CSMD2: variants seen among roughly 807,000 people sequenced by gnomAD.
CSMD2 encodes the protein CUB and sushi domain-containing protein 2.
Under a neutral mutation model 398.5 loss-of-function variants are expected in CSMD2, and 130 were observed. The observed-to-expected ratio is 0.33, with a 90% CI of 0.28 to 0.38. The LOEUF (loss-of-function observed/expected upper bound fraction) is 0.38. Among genes scored for constraint, CSMD2 ranks in the 10% least tolerant of loss-of-function variants. CSMD2 has a pLI of 1.00. For synonymous variants in CSMD2, 1,828 were observed against 1,908.5 expected, an observed-to-expected ratio of 0.96 and a Z score of 1.10; for missense variants, 3,829 against 4,764.9, an observed-to-expected ratio of 0.80 and a Z score of 5.78.
intron 6 of CSMD2, among the ~76,000 whole-genome samples, chr1:33,827,527 C>T (rs1252700733): frequency 1.3e-5 from 2 of 152,202 alleles, no homozygotes; most frequent in Non-Finnish European, 2.9e-5. Flanking sequence ...ATTAAAATGA[C>T]ACCTGCAACC....
intron 4 of CSMD2, among the ~76,000 whole-genome samples, chr1:33,929,989 T>C (rs1644260136): frequency 6.6e-6 from 1 of 152,192 alleles, no homozygotes; most frequent in South Asian, 2.1e-4. Flanking sequence ...TCCTCGTAGC[T>C]CCTACCACCA....
intron 29 of CSMD2, among the ~76,000 whole-genome samples, chr1:33,641,741 C>G (rs917240504): frequency 6.6e-6 from 1 of 152,208 alleles, no homozygotes; most frequent in African/African-American, 2.4e-5. Context: ...TGCCTTAGAA[C>G]CAGGTGGGCT....
intron 2 of CSMD2, among the ~76,000 whole-genome samples, chr1:34,062,530 C>G (rs1654629737): frequency 6.6e-6 from 1 of 152,110 alleles, no homozygotes; most frequent in African/African-American, 2.4e-5. Context: ...ACATGGAGGA[C>G]AGGGAAGGTG....
intron 3 of CSMD2, among the ~76,000 whole-genome samples, chr1:33,937,610 C>A (rs1478321464): frequency 6.6e-6 from 1 of 152,202 alleles, no homozygotes; most frequent in East Asian, 1.9e-4. Flanking sequence ...ATTCCCTCCC[C>A]CTTCCTCTCT....
chr1:33,967,823 G>A (rs576345062), intron 3 of CSMD2, among the ~76,000 whole-genome samples: 2 of 152,174 alleles, frequency 1.3e-5, no homozygotes, highest in African/African-American at 4.8e-5. Flanking sequence ...ACCTCCACGG[G>A]GCAGGATAAA....
chr1:33,963,797 T>A (rs913450810), intron 3 of CSMD2, among the ~76,000 whole-genome samples: 1 of 152,258 alleles, frequency 6.6e-6, no homozygotes, highest in Non-Finnish European at 1.5e-5. Context: ...TATTTATTTA[T>A]TCATTCATCT....
intron 2 of CSMD2, among the ~76,000 whole-genome samples, chr1:34,087,480 G>A (rs559828237): frequency 6.6e-5 from 10 of 151,930 alleles, no homozygotes; most frequent in Admixed American, 5.2e-4. Context: ...AGGGGGTTGG[G>A]GGCTAGGGGA....
chr1:33,924,054 A>G (rs531458401), intron 4 of CSMD2, among the ~76,000 whole-genome samples: 13 of 152,296 alleles, frequency 8.5e-5, no homozygotes, highest in Non-Finnish European at 7.4e-5. Flanking sequence ...GTAACTATCA[A>G]TCATTCTACT....
rs896799676 is a variant in CSMD2 at position 33,614,552 on chromosome 1, G to A, written c.6085C>T (p.Pro2029Ser). ...TTCCAGGAGCAGTCCATGTTACTGGGGTAGTTGCCTGGGAAGCCGGGGCTC... is the reference window on the plus strand; with the variant it reads ...TTCCAGGAGCAGTCCATGTTACTGGAGTAGTTGCCTGGGAAGCCGGGGCTC... ...ILSPGFPGNY[P>S]SNMDCSWKIA... The change falls in exon 40 of 71, where the codon CCC (proline) becomes TCC (serine). Residue 2029 changes from proline (P) to serine (S), a missense_variant. Around this residue, in one of 5 missense-constraint regions of CSMD2, gnomAD observed 2,001 missense variants for 2,567.1 expected, o/e 0.78. Coordinates refer to ENST00000373381, the MANE Select transcript of CSMD2 (RefSeq NM_001281956.2). The A allele has an allele frequency of 6.2e-7, 1 of 1,612,774 alleles. No homozygotes were observed. Among genetic ancestry groups the A allele is most frequent in the Non-Finnish European group, 8.5e-7 (1 of 1,179,150 alleles).
chr1:33,770,185 T>G (rs575048620), intron 13 of CSMD2, among the ~76,000 whole-genome samples: 1 of 152,224 alleles, frequency 6.6e-6, no homozygotes, highest in Admixed American at 6.5e-5. Flanking sequence ...AATATGATCA[T>G]AGAGGCTTAG....
intron 36 of CSMD2, 54 bp from the exon 37 acceptor site, chr1:33,622,325 GCATTCCTCCC>G: frequency 1.5e-6 from 2 of 1,296,510 alleles, no homozygotes; most frequent in Middle Eastern, 2.1e-4. Flanking sequence ...CCAGGCCCTT[GCATTCCTCCC>G]CATTCCTCTG....
chr1:34,030,565 T>C (rs1650285371), intron 3 of CSMD2, among the ~76,000 whole-genome samples: 1 of 152,240 alleles, frequency 6.6e-6, no homozygotes, highest in Non-Finnish European at 1.5e-5. Context: ...TCATGGAGTT[T>C]ACAGACCTCC....
At chr1:33,951,264 A>G (rs1644999935) in intron 3 of CSMD2, among the ~76,000 whole-genome samples, 1 of 152,180 alleles carries the variant, frequency 6.6e-6, no homozygotes, top group African/African-American at 2.4e-5. Flanking sequence ...CCATTCTGTC[A>G]TCTGTTCAAG....
At chr1:34,143,951 C>T (rs1356135145) in intron 1 of CSMD2, among the ~76,000 whole-genome samples, 1 of 152,194 alleles carries the variant, frequency 6.6e-6, no homozygotes, top group Non-Finnish European at 1.5e-5. Context: ...TCCTAACAAT[C>T]CACCTAGTTG....
intron 28 of CSMD2, among the ~76,000 whole-genome samples, chr1:33,647,522 T>C (rs1380252990): frequency 1.3e-5 from 2 of 152,202 alleles, no homozygotes; most frequent in Non-Finnish European, 2.9e-5. Flanking sequence ...AAATGCATAT[T>C]ACGAAAAAAT....
chr1:34,101,927 T>C (rs1381520123), intron 1 of CSMD2, among the ~76,000 whole-genome samples: 1 of 152,224 alleles, frequency 6.6e-6, no homozygotes, highest in Non-Finnish European at 1.5e-5. Flanking sequence ...ACTAACTCTT[T>C]ATAGAGTCAG....
intron 41 of CSMD2, among the ~76,000 whole-genome samples, chr1:33,608,409 A>C (rs1210338952): frequency 6.6e-6 from 1 of 152,132 alleles, no homozygotes; most frequent in Non-Finnish European, 1.5e-5. Context: ...GCCATTCCTT[A>C]TATTTATCCG....
At chr1:33,849,503 T>C (rs1175594739) in intron 5 of CSMD2, among the ~76,000 whole-genome samples, 2 of 152,148 alleles carry the variant, frequency 1.3e-5, no homozygotes, top group Admixed American at 6.5e-5. Context: ...GAGATAAAGG[T>C]TGGGGACTGC....
At chr1:33,618,603 A>G (rs1323785784) in intron 37 of CSMD2, among the ~76,000 whole-genome samples, 1 of 151,916 alleles carries the variant, frequency 6.6e-6, no homozygotes, top group Admixed American at 6.6e-5. Flanking sequence ...GGCATTGCAC[A>G]CAATGTTTTG....
Sources: gnomAD v4.1 joint callset for allele counts (sites outside exome capture counted in the v4.1 genomes callset) on GRCh38, gnomAD v4.1.1 for gene constraint, gnomAD v4.1.1 regional missense constraint, MANE v1.5 for transcripts, NCBI Gene and HGNC (gene_info 2026-07-23, HGNC 2026-07-21) for gene names.